The following EFCAB8 variants were observed in gnomAD, a reference collection of about 807,000 sequenced individuals.
The protein encoded by EFCAB8 is EF-hand calcium binding domain 8, also known as EF-hand calcium-binding domain-containing protein 8.
EFCAB8 carries 100 observed loss-of-function variants against 116.3 expected under a neutral mutation model. The observed-to-expected ratio is 0.86, with a 90% CI of 0.73 to 1.02. EFCAB8 has a LOEUF of 1.02. Among genes scored for constraint, EFCAB8 ranks in the 50% least tolerant of loss-of-function variants. The pLI is 0.00. For synonymous variants in EFCAB8, 558 were observed against 567.9 expected (o/e 0.98, Z 0.25); for missense variants, 1,320 against 1,416.9 (o/e 0.93, Z 1.10).
intron 5 of EFCAB8, among the ~76,000 whole-genome samples, chr20:32,881,428 C>T (rs558446038): frequency 4.7e-4 from 71 of 152,282 alleles, no homozygotes; most frequent in Non-Finnish European, 7.8e-4. Flanking sequence ...AACTCCTGAC[C>T]TCAAGTGATC....
In EFCAB8 at chr20:32,874,127, C is replaced by G. The variant is rs1270969187; in HGVS notation, c.209-1799C>G. ...GTGAAGATGCGGTTTCACCATGTTG[C>G]CCAGCCTGGTCTCAAACTCCTGGGC... On this transcript the variant is annotated intron_variant, in intron 3 of 26. Coordinates refer to ENST00000400522, the MANE Select transcript of EFCAB8 (RefSeq NM_001143967.2). Among the ~76,000 whole-genome samples the G allele has an allele frequency of 1.9e-3, 294 of 151,700 alleles. 2 individuals carry two copies. The highest frequency in any genetic ancestry group is 6.8e-3 in the African/African-American group (281 of 41,096).
intron 14 of EFCAB8, 68 bp from the exon 15 acceptor site, chr20:32,909,753 C>G (rs1049209585): frequency 3.7e-6 from 3 of 811,418 alleles, no homozygotes; most frequent in Non-Finnish European, 5.1e-6. Context: ...AAGTTTTTCC[C>G]GGCAGCCCAT....
rs1454160947 is a variant in EFCAB8 at position 32,875,984 on chromosome 20, C to T, written c.267C>T (p.Asp89=). ...AMKKVLSSVS[D]EMLKELFLKV... is the part of the protein sequence containing the mutation. The stretch of plus-strand genomic sequence containing the variant: ...AGAAGGTTCTGAGCAGTGTGTCGGA[C>T]GAGATGCTAAAGGAGCTGTTTTTGA... Residue 89 remains aspartate (D), a synonymous_variant, in exon 4 of 27, where the codon GAC becomes GAT. Coordinates refer to ENST00000400522, the MANE Select transcript of EFCAB8 (RefSeq NM_001143967.2). 1.4e-5 allele frequency: 22 copies of T among 1,552,138 alleles called. No individual in the cohort carries two copies. Among genetic ancestry groups the T allele is most frequent in the East Asian group, 2.4e-5 (1 of 40,906 alleles).
chr20:32,957,085 A>AT (rs1023780357), intron 23 of EFCAB8, among the ~76,000 whole-genome samples: 4 of 150,454 alleles, frequency 2.7e-5, no homozygotes, highest in South Asian at 2.1e-4. Flanking sequence ...TTTTAGATGT[A>AT]TTTTTTTAGT....
rs549062517 is a variant in EFCAB8, at chr20:32,878,891, C to G, written c.431+84C>G. Reference sequence around the variant, plus strand: ...GCCTGCAGTGAGCCCCTCCCTCAATCCGTGACCTTGCTGGTGCTGACCAGG... The same window carrying G: ...GCCTGCAGTGAGCCCCTCCCTCAATGCGTGACCTTGCTGGTGCTGACCAGG... On this transcript the variant is annotated intron_variant, in intron 5 of 26. Coordinates refer to ENST00000400522, the MANE Select transcript of EFCAB8 (RefSeq NM_001143967.2). The G allele has an allele frequency of 3.3e-6, 4 of 1,214,716 alleles. No individual in the cohort carries two copies. The South Asian group carries it at 5.3e-5, about 16-fold the overall frequency. The allele number at this position is 1,214,716 out of a possible 1,614,324, so 75.2% of individuals were successfully genotyped here.
chr20:32,927,610 G>T (rs559697297), intron 20 of EFCAB8, among the ~76,000 whole-genome samples: 1 of 152,328 alleles, frequency 6.6e-6, no homozygotes, highest in African/African-American at 2.4e-5. Context: ...TTCCCAAAAT[G>T]CTGGGATTAG....
chr20:32,954,060 C>T (rs1988885581), intron 23 of EFCAB8, among the ~76,000 whole-genome samples: 1 of 152,154 alleles, frequency 6.6e-6, no homozygotes. Context: ...CCTGCCTCAG[C>T]CTCCCAAAGT....
intron 10 of EFCAB8, among the ~76,000 whole-genome samples, chr20:32,897,057 GCCCCTTC>G (rs931057848): frequency 2.6e-5 from 4 of 152,116 alleles, no homozygotes; most frequent in African/African-American, 9.7e-5. Flanking sequence ...AATGGGCTCA[GCCCCTTC>G]CCGCCTCTGT....
chr20:32,906,130 T>G (rs1986663521), intron 11 of EFCAB8, among the ~76,000 whole-genome samples: 1 of 152,210 alleles, frequency 6.6e-6, no homozygotes, highest in African/African-American at 2.4e-5. Context: ...GGGAGCTTCC[T>G]TTCTGTCCCT....
At chr20:32,924,463 A>G (rs1457044916) in intron 20 of EFCAB8, among the ~76,000 whole-genome samples, 1 of 152,236 alleles carries the variant, frequency 6.6e-6, no homozygotes, top group East Asian at 1.9e-4. Flanking sequence ...ACATCTGAAA[A>G]GAATGTATGT....
rs779802258 is a variant in EFCAB8, at chr20:32,885,659, C to A, written c.567+19C>A. The A allele has an allele frequency of 5.2e-6, 8 of 1,551,594 alleles. No individual in the cohort carries two copies. Among genetic ancestry groups the A allele is most frequent in the Non-Finnish European group, 6.1e-6 (7 of 1,146,898 alleles). On this transcript the variant is annotated intron_variant, in intron 6 of 26. Transcript: ENST00000400522. The stretch of plus-strand genomic sequence containing the variant: ...CTTTAGGGTGAGTGGGGCCCCTACA[C>A]ATGGTGCACACATGGGTGATTGGAG...
intron 11 of EFCAB8, among the ~76,000 whole-genome samples, chr20:32,901,203 G>A (rs1385533364): frequency 6.6e-6 from 1 of 152,206 alleles, no homozygotes; most frequent in Non-Finnish European, 1.5e-5. Flanking sequence ...TGCATTGGTG[G>A]TGGTATCACT....
At chr20:32,889,237 ATGGGGAGCTGCAC>A (rs1985789397) in intron 6 of EFCAB8, 51 bp from the exon 7 acceptor site, 1 of 1,426,542 alleles carries the variant, frequency 7.0e-7, no homozygotes, top group Non-Finnish European at 9.6e-7. Flanking sequence ...GGAGAGGTTC[ATGGGGAGCTGCAC>A]TGGCCTGAGT....
In EFCAB8 at chr20:32,887,295, G is replaced by A. The variant is rs928539479; in HGVS notation, c.567+1655G>A. 4.6e-5 allele frequency among the ~76,000 whole-genome samples: 7 copies of A among 152,316 alleles called. No homozygotes were observed. The East Asian group carries it at 7.7e-4, about 17-fold the overall frequency. ...TGTCATTCAAAGAGTAAAATACAGC[G>A]CCAGGCGCGGAGGCTCACGCCTGTA... On this transcript the variant is annotated intron_variant, in intron 6 of 26. Coordinates refer to ENST00000400522, the MANE Select transcript of EFCAB8 (RefSeq NM_001143967.2).
chr20:32,877,186 CTTG>C (rs1985017163), intron 4 of EFCAB8, among the ~76,000 whole-genome samples: 1 of 137,734 alleles, frequency 7.3e-6, no homozygotes, highest in East Asian at 2.0e-4. Flanking sequence ...TCTCAATTTT[CTTG>C]TTTTTATTTA....
chr20:32,906,771 G>A (rs571795220), intron 12 of EFCAB8, 72 bp from the exon 13 acceptor site: 2 of 798,032 alleles, frequency 2.5e-6, no homozygotes, highest in East Asian at 2.7e-5. Flanking sequence ...CCACTTCTGG[G>A]CACCACCTTC....
intron 14 of EFCAB8, 92 bp downstream of exon 14, chr20:32,908,504 C>T: frequency 8.2e-7 from 1 of 1,217,464 alleles, no homozygotes; most frequent in Non-Finnish European, 1.0e-6. Context: ...TGGCCACGTC[C>T]TGTCCCTCCT....
intron 10 of EFCAB8, 43 bp downstream of exon 10, chr20:32,896,570 T>C (rs1341295778): frequency 2.8e-6 from 2 of 717,466 alleles, no homozygotes. Context: ...GGTAATTATC[T>C]GTACACACAC....
At chr20:32,889,942 A>G (rs1264401983) in intron 7 of EFCAB8, among the ~76,000 whole-genome samples, 1 of 150,244 alleles carries the variant, frequency 6.7e-6, no homozygotes, top group Admixed American at 6.7e-5. Context: ...TGGAGGTTGC[A>G]GTAAGCTGAG....
Sources: allele counts gnomAD v4.1 joint callset (sites outside exome capture counted in the v4.1 genomes callset), GRCh38; gene constraint gnomAD v4.1.1; transcripts MANE v1.5; gene names NCBI Gene and HGNC (gene_info 2026-07-23, HGNC 2026-07-21).